CMPK1: variants seen among roughly 807,000 people sequenced by gnomAD.
CMPK1 encodes cytidine/uridine monophosphate kinase 1.
In CMPK1, 10 loss-of-function variants were observed where a neutral mutation model predicts 25.7. That is an observed-to-expected ratio of 0.39 (90% confidence interval 0.24 to 0.66). CMPK1 has a LOEUF of 0.66. Among genes scored for constraint, CMPK1 ranks in the 30% least tolerant of loss-of-function variants. The pLI is 0.48. For missense variants in CMPK1, 199 were observed against 280.5 expected, an observed-to-expected ratio of 0.71 and a Z score of 2.08; for synonymous variants, 106 against 101.5, an observed-to-expected ratio of 1.04 and a Z score of -0.27.
At chr1:47,335,265 A>G (rs948531445) in intron 1 of CMPK1, among the ~76,000 whole-genome samples, 2 of 152,104 alleles carry the variant, frequency 1.3e-5, no homozygotes, top group Non-Finnish European at 2.9e-5. Flanking sequence ...CCTGTCCTGT[A>G]TTTTATTCCC....
chr1:47,367,469 C>T (rs919824577), intron 1 of CMPK1, among the ~76,000 whole-genome samples: 12 of 152,100 alleles, frequency 7.9e-5, no homozygotes, highest in East Asian at 1.9e-4. Flanking sequence ...TAAAATGTGC[C>T]GTTGAAATAC....
At chr1:47,376,618 A>G (rs1646710320) in intron 5 of CMPK1, 86 bp from the exon 6 acceptor site, 6 of 875,176 alleles carry the variant, frequency 6.9e-6, no homozygotes, top group Admixed American at 4.3e-5. Context: ...GCCCCGCCAA[A>G]TTTGATTATT....
chr1:47,359,751 T>A (rs866660304), intron 1 of CMPK1, among the ~76,000 whole-genome samples: 61 of 151,996 alleles, frequency 4.0e-4, no homozygotes, highest in Admixed American at 1.6e-3. Flanking sequence ...ACCTCAAGTG[T>A]TCCACCTGCC....
At chr1:47,338,333 T>TTCTG (rs1166478004) in intron 1 of CMPK1, among the ~76,000 whole-genome samples, 2 of 152,170 alleles carry the variant, frequency 1.3e-5, no homozygotes, top group Non-Finnish European at 2.9e-5. Flanking sequence ...TGGAGGTGAA[T>TTCTG]TCTGCTCTGC....
chr1:47,350,685 G>A (rs1645856052), intron 1 of CMPK1, among the ~76,000 whole-genome samples: 1 of 152,052 alleles, frequency 6.6e-6, no homozygotes, highest in Non-Finnish European at 1.5e-5. Context: ...ACGAGGTCAG[G>A]AGTTCGAGAC....
In CMPK1 at chr1:47,375,004, A is replaced by G. The variant is rs1646698382; in HGVS notation, c.548+19A>G. Reference sequence around the variant, plus strand: ...AAAAGAGGTACTTGGCAGTTTTTACATACAACCACTTCAATCCCAGACCTG... The same window carrying G: ...AAAAGAGGTACTTGGCAGTTTTTACGTACAACCACTTCAATCCCAGACCTG... On this transcript the variant is annotated intron_variant, in intron 4 of 5. Coordinates refer to ENST00000371873, the MANE Select transcript of CMPK1 (RefSeq NM_016308.3). 5 of 1,576,884 alleles carry G rather than the reference A, an allele frequency of 3.2e-6. No individual in the cohort carries two copies. Among genetic ancestry groups the G allele is most frequent in the Non-Finnish European group, 4.4e-6 (5 of 1,147,828 alleles).
chr1:47,339,701 CTTTTTTTTTTT>C (rs71053104), intron 1 of CMPK1, among the ~76,000 whole-genome samples: 16 of 109,946 alleles, frequency 1.5e-4, no homozygotes, highest in South Asian at 3.4e-4. Flanking sequence ...TCTTCCTTTC[CTTTTTTTTTTT>C]TTTTTTTTTT....
At chr1:47,346,283 C>T (rs1332633736) in intron 1 of CMPK1, among the ~76,000 whole-genome samples, 5 of 151,758 alleles carry the variant, frequency 3.3e-5, no homozygotes, top group South Asian at 2.1e-4. Flanking sequence ...CTCATGACCT[C>T]GTGATCCGCC....
chr1:47,354,441 A>T (rs1047252014), intron 1 of CMPK1, among the ~76,000 whole-genome samples: 7 of 152,330 alleles, frequency 4.6e-5, no homozygotes, highest in African/African-American at 1.7e-4. Flanking sequence ...TTGGAAGTAC[A>T]CAAAGTAAAA....
At chr1:47,350,831 C>T (rs1333930869) in intron 1 of CMPK1, among the ~76,000 whole-genome samples, 4 of 151,202 alleles carry the variant, frequency 2.6e-5, no homozygotes, top group African/African-American at 7.3e-5. Flanking sequence ...TGCCTGAACC[C>T]GGGAGGGCAG....
chr1:47,356,129 A>G (rs1239085066), intron 1 of CMPK1, among the ~76,000 whole-genome samples: 2 of 152,086 alleles, frequency 1.3e-5, no homozygotes, highest in East Asian at 1.9e-4. Flanking sequence ...TAGTACTGTC[A>G]TAGGGTTTTT....
intron 1 of CMPK1, among the ~76,000 whole-genome samples, chr1:47,354,841 A>G (rs1646548219): frequency 6.6e-6 from 1 of 152,182 alleles, no homozygotes; most frequent in Non-Finnish European, 1.5e-5. Context: ...AAATGGAATT[A>G]CTGAGTCAAA....
intron 1 of CMPK1, among the ~76,000 whole-genome samples, chr1:47,352,988 C>T (rs141887470): frequency 1.4e-3 from 206 of 152,302 alleles, no homozygotes; most frequent in Middle Eastern, 6.8e-3. Context: ...GATGATTTCT[C>T]TCACACTTCT....
At chr1:47,348,655 G>A (rs568214610) in intron 1 of CMPK1, among the ~76,000 whole-genome samples, 45 of 152,246 alleles carry the variant, frequency 3.0e-4, no homozygotes, top group Admixed American at 2.6e-3. Flanking sequence ...TCCATTCCCC[G>A]TTGGAATGTA....
intron 5 of CMPK1, among the ~76,000 whole-genome samples, 155 bp from the exon 6 acceptor site, chr1:47,376,549 C>G (rs540152525): frequency 2.4e-4 from 37 of 152,278 alleles, no homozygotes; most frequent in African/African-American, 7.9e-4. Context: ...CTCCTGAACT[C>G]AAGTGATCTG....
At chr1:47,357,993 G>A (rs374470103) in intron 1 of CMPK1, among the ~76,000 whole-genome samples, 1 of 151,734 alleles carries the variant, frequency 6.6e-6, no homozygotes, top group Admixed American at 6.6e-5. Context: ...TCCTCTATCG[G>A]CGTGTAATTT....
At position 47,368,509 on chromosome 1, in the gene CMPK1, G is replaced by A. The variant is rs769965982; in HGVS notation, c.212G>A (p.Arg71His). The A allele has an allele frequency of 6.2e-7, 1 of 1,613,230 alleles. No homozygotes were observed. The highest frequency in any genetic ancestry group is 2.2e-5 in the East Asian group (1 of 44,820). Residue 71 changes from arginine (R) to histidine (H), a missense_variant, in exon 2 of 6, where the codon CGT becomes CAT. Around this residue, in one of 2 missense-constraint regions of CMPK1, gnomAD observed 140 missense variants for 235.5 expected, o/e 0.59. Transcript: ENST00000371873. ...YTHLSAGELL[R>H]DERKNPDSQY... ...CACCTTTCTGCAGGAGAGCTGCTTC[G>A]TGATGAAAGGAAGAACCCAGATTCA...
At chr1:47,358,356 T>A in intron 1 of CMPK1, 2 of 1,109,854 alleles carry the variant, frequency 1.8e-6, no homozygotes, top group South Asian at 1.3e-5. Context: ...CGAGCAACCC[T>A]CTCGTCTTGA....
In CMPK1 at chr1:47,333,940, C is replaced by T. The variant is rs767576594; in HGVS notation, c.-6C>T. On this transcript the variant is annotated 5_prime_UTR_variant, in exon 1 of 6. Coordinates refer to ENST00000371873, the MANE Select transcript of CMPK1 (RefSeq NM_016308.3). ...GCTCCCTCAGCGTCCGGCCGAGGCG[C>T]GGTGTATGCTGAGCCGCTGCCGCAG... is the stretch of plus-strand genomic sequence containing the variant. 5.8e-6 allele frequency: 8 copies of T among 1,386,896 alleles called. No individual in the cohort carries two copies. The highest frequency in any genetic ancestry group is 7.6e-6 in the Non-Finnish European group (8 of 1,057,076). The allele number at this position is 1,386,896 out of a possible 1,614,324, so 85.9% of individuals were successfully genotyped here.
Sources: gnomAD v4.1 joint callset for allele counts (sites outside exome capture counted in the v4.1 genomes callset) on GRCh38, gnomAD v4.1.1 for gene constraint, gnomAD v4.1.1 regional missense constraint, MANE v1.5 for transcripts, NCBI Gene and HGNC (gene_info 2026-07-23, HGNC 2026-07-21) for gene names.